The following TBC1D8 variants were observed in gnomAD, a reference collection of about 807,000 sequenced individuals.
TBC1D8 encodes TBC1 domain family member 8.
In TBC1D8, 65 loss-of-function variants were observed where a neutral mutation model predicts 118.8. The observed-to-expected ratio is 0.55, with a 90% CI of 0.45 to 0.67. The LOEUF is 0.67. TBC1D8 is among the 30% of genes least tolerant of loss of function. TBC1D8 has a pLI of 0.00. For synonymous variants in TBC1D8, 566 were observed against 595.8 expected (o/e 0.95, Z 0.73); for missense variants, 1,376 against 1,471.2 (o/e 0.94, Z 1.06).
chr2:101,009,533 ATCTATAGAAAAAAAAAGG>A (rs1355766115), intron 19 of TBC1D8, among the ~76,000 whole-genome samples: 1 of 152,030 alleles, frequency 6.6e-6, no homozygotes, highest in Non-Finnish European at 1.5e-5. Context: ...TTGAAACATC[ATCTATAGAAAAAAAAAGG>A]TTATGTGTAT....
At chr2:101,018,162 C>T in intron 17 of TBC1D8, 3 of 439,674 alleles carry the variant, frequency 6.8e-6, no homozygotes, top group Non-Finnish European at 1.2e-5. Flanking sequence ...ACAGATATTG[C>T]TGTACTAATC....
At position 101,118,435 on chromosome 2, in the gene TBC1D8, G is replaced by A. The variant is rs907416056; in HGVS notation, c.128-28071C>T. Among the ~76,000 whole-genome samples, 3 of 152,156 alleles carry A rather than the reference G, an allele frequency of 2.0e-5. No individual in the cohort carries two copies. In the South Asian group the frequency reaches 6.2e-4, roughly 32 times the overall value. The stretch of plus-strand genomic sequence containing the variant: ...CAGGTAGCCGGGCACAGTGGCTCAT[G>A]CCTGTAATCCCAGCACTTTGGGAGG... On this transcript the variant is annotated intron_variant, in intron 1 of 19. Coordinates refer to ENST00000409318, the MANE Select transcript of TBC1D8 (RefSeq NM_001330348.2).
At chr2:101,023,828 C>A in intron 15 of TBC1D8, 1 of 229,756 alleles carries the variant, frequency 4.4e-6, no homozygotes, top group South Asian at 5.2e-5. Context: ...TTTCAATGTC[C>A]TCTGTCCACA....
chr2:101,011,053 GTTTAA>G (rs1573852946), intron 18 of TBC1D8, 27 bp from the exon 19 acceptor site: 1 of 1,598,718 alleles, frequency 6.3e-7, no homozygotes, highest in African/African-American at 1.3e-5. Context: ...ACAATATGTG[GTTTAA>G]TTTAAATAAA....
chr2:101,149,423 G>A (rs1410145817), intron 1 of TBC1D8, among the ~76,000 whole-genome samples: 1 of 152,166 alleles, frequency 6.6e-6, no homozygotes, highest in Non-Finnish European at 1.5e-5. Flanking sequence ...TAACTAGATG[G>A]TGAATCGGCT....
chr2:101,046,734 A>C (rs977774323), intron 5 of TBC1D8, among the ~76,000 whole-genome samples: 51 of 152,160 alleles, frequency 3.4e-4, no homozygotes, highest in African/African-American at 1.1e-3. Context: ...AGCCAGCCAG[A>C]CCCGAGAGTT....
chr2:101,090,502 C>T (rs912564835), intron 1 of TBC1D8, 138 bp from the exon 2 acceptor site: 18 of 905,942 alleles, frequency 2.0e-5, no homozygotes, highest in South Asian at 1.6e-4. Context: ...TTCAACTCAC[C>T]TCACAAAGCC....
intron 1 of TBC1D8, among the ~76,000 whole-genome samples, chr2:101,115,169 C>T (rs755085002): frequency 3.9e-5 from 6 of 152,202 alleles, no homozygotes; most frequent in East Asian, 1.9e-4. Flanking sequence ...TGACAGACAG[C>T]GGTCACCCAA....
At chr2:101,103,330 A>AC (rs1676980927) in intron 1 of TBC1D8, among the ~76,000 whole-genome samples, 1 of 151,296 alleles carries the variant, frequency 6.6e-6, no homozygotes, top group African/African-American at 2.4e-5. Flanking sequence ...AAAAAAAAAA[A>AC]AACTTGGAAG....
chr2:101,108,714 AC>A (rs1424724402), intron 1 of TBC1D8, among the ~76,000 whole-genome samples: 1 of 150,556 alleles, frequency 6.6e-6, no homozygotes. Context: ...TCACATTGGC[AC>A]CCCACCCTCC....
rs957559705 is a variant in TBC1D8 at position 101,011,630 on chromosome 2, A to C, written c.2828-90T>G. The C allele has an allele frequency of 3.0e-6, 4 of 1,352,684 alleles. No homozygotes were observed. The African/African-American group carries it at 4.3e-5, about 15-fold the overall frequency. 83.8% of individuals were successfully genotyped at this position (1,352,684 alleles called of 1,614,324 possible). On this transcript the variant is annotated intron_variant, in intron 17 of 19. Transcript: ENST00000409318. The stretch of plus-strand genomic sequence containing the variant: ...TAGCTTTCTAGGCAACTAAAGGCTA[A>C]GCCAGCAGCTCCCAGCCTGTGGACT...
At chr2:101,051,820 C>T (rs1015217186) in intron 4 of TBC1D8, among the ~76,000 whole-genome samples, 10 of 152,106 alleles carry the variant, frequency 6.6e-5, no homozygotes, top group Non-Finnish European at 1.2e-4. Context: ...CAGATGCTGG[C>T]GAGGTTGTGG....
At chr2:101,045,659 G>A (rs1455592217) in intron 5 of TBC1D8, among the ~76,000 whole-genome samples, 1 of 152,176 alleles carries the variant, frequency 6.6e-6, no homozygotes, top group African/African-American at 2.4e-5. Flanking sequence ...GCCTCATAAA[G>A]GAGCACATAA....
intron 1 of TBC1D8, among the ~76,000 whole-genome samples, chr2:101,094,170 C>A (rs998006872): frequency 2.6e-5 from 4 of 152,124 alleles, no homozygotes; most frequent in African/African-American, 9.7e-5. Flanking sequence ...GCTTTTCTAG[C>A]AAATACTCCT....
At position 101,133,158 on chromosome 2, in the gene TBC1D8, T is replaced by C. The variant is rs1574073270; in HGVS notation, c.127+17969A>G. 2.6e-5 allele frequency among the ~76,000 whole-genome samples: 3 copies of C among 115,000 alleles called. 1 individual carries two copies. The highest frequency in any genetic ancestry group is 1.0e-4 in the African/African-American group (3 of 29,754). The allele number at this position is 115,000 out of a possible 152,430, so 75.4% of individuals were successfully genotyped here. On this transcript the variant is annotated intron_variant, in intron 1 of 19. Transcript: ENST00000409318. Reference sequence around the variant, plus strand: ...CTGGGTGACAGTGCGAGACTCCATCTCAAAAAAAAAAAAAAAAGTATATCT... The same window carrying C: ...CTGGGTGACAGTGCGAGACTCCATCCCAAAAAAAAAAAAAAAAGTATATCT...
Position 101,151,276 on chromosome 2 carries a change from C to T in TBC1D8, c.-23G>A, listed in dbSNP as rs1679554186. ...CATCGCGGCGGTCCGGCCGCGCCCGCCGGCCCCAGCTCACATCTCCCCGGC... is the reference window on the plus strand; with the variant it reads ...CATCGCGGCGGTCCGGCCGCGCCCGTCGGCCCCAGCTCACATCTCCCCGGC... On this transcript the variant is annotated 5_prime_UTR_variant, in exon 1 of 20. Coordinates refer to ENST00000409318, the MANE Select transcript of TBC1D8 (RefSeq NM_001330348.2). The T allele has an allele frequency of 7.9e-6, 9 of 1,142,256 alleles. No individual in the cohort carries two copies. Among genetic ancestry groups the T allele is most frequent in the Non-Finnish European group, 9.8e-6 (9 of 913,888 alleles). The allele number at this position is 1,142,256 out of a possible 1,614,324, so 70.8% of individuals were successfully genotyped here. A position where few individuals can be genotyped will look rare whatever the true frequency, so the allele number is the denominator to read the frequency against.
At chr2:101,059,346 A>G (rs7572457) in intron 3 of TBC1D8, 75 bp downstream of exon 3, 363,366 of 1,168,492 alleles carry the variant, frequency 0.31, 58,052 homozygotes, top group Middle Eastern at 0.36. Context: ...AACTGTTAGT[A>G]TGCTACAGTG....
chr2:101,145,025 C>G (rs1205828703), intron 1 of TBC1D8, among the ~76,000 whole-genome samples: 2 of 152,190 alleles, frequency 1.3e-5, no homozygotes, highest in Non-Finnish European at 2.9e-5. Context: ...CTTCTGCCTT[C>G]ACTTCTAGTA....
chr2:101,016,571 T>C (rs1679651908), intron 17 of TBC1D8, among the ~76,000 whole-genome samples: 1 of 152,152 alleles, frequency 6.6e-6, no homozygotes, highest in Admixed American at 6.5e-5. Context: ...ATCCCATTAC[T>C]GGGTATACAC....
Sources: allele counts gnomAD v4.1 joint callset (sites outside exome capture counted in the v4.1 genomes callset), GRCh38; gene constraint gnomAD v4.1.1; transcripts MANE v1.5; gene names NCBI Gene and HGNC (gene_info 2026-07-23, HGNC 2026-07-21).